Variants in ZFP41 observed in about 807,000 individuals in gnomAD.
The protein encoded by ZFP41 is zinc finger protein 41 homolog.
ZFP41 carries 10 observed loss-of-function variants against 11.6 expected under a neutral mutation model. The ratio of observed to expected loss-of-function variants is 0.86; its 90% CI spans 0.53 to 1.47. The LOEUF is 1.47. Among genes scored for constraint, ZFP41 ranks in the 40% most tolerant of loss-of-function variants. The pLI, the probability that ZFP41 is intolerant of heterozygous loss-of-function variation, is 0.00. For missense variants in ZFP41, 302 were observed against 264.6 expected, an observed-to-expected ratio of 1.14 and a Z score of -0.98; for synonymous variants, 123 against 100.9, an observed-to-expected ratio of 1.22 and a Z score of -1.31.
At position 143,250,452 on chromosome 8, in the gene ZFP41, C is replaced by T. The variant is rs1816783447; in HGVS notation, c.*12C>T. On this transcript the variant is annotated 3_prime_UTR_variant, in exon 2 of 3. Transcript: ENST00000330701. Reference sequence around the variant, plus strand: ...GGAAGAAGCCCTGAGCCGGGGCCATCTGCGGACTCGGGCCCTGCGGTGCGA... The same window carrying T: ...GGAAGAAGCCCTGAGCCGGGGCCATTTGCGGACTCGGGCCCTGCGGTGCGA... 4 of 1,604,544 alleles carry T rather than the reference C, an allele frequency of 2.5e-6. No individual in the cohort carries two copies. The highest frequency in any genetic ancestry group is 3.4e-6 in the Non-Finnish European group (4 of 1,174,818).
Position 143,250,379 on chromosome 8 carries a change from C to T in ZFP41, c.536C>T (p.Ala179Val). Reference sequence around the variant, plus strand: ...TACGAATGCACGCACTGTGGGAAAGCCTTTGCCTACAGCTCCTGTCTCATC... The same window carrying T: ...TACGAATGCACGCACTGTGGGAAAGTCTTTGCCTACAGCTCCTGTCTCATC... Reference protein sequence around the residue: ...KPYECTHCGKAFAYSSCLIRH... With the variant: ...KPYECTHCGKVFAYSSCLIRH... The change falls in exon 2 of 3, where the codon GCC becomes GTC. Residue 179 changes from alanine to valine, a missense_variant. By Grantham distance (64) the Ala-to-Val change is moderately conservative (BLOSUM62 0). Transcript: ENST00000330701. The T allele has an allele frequency of 6.2e-7, 1 of 1,613,994 alleles. No homozygotes were observed. Among genetic ancestry groups the T allele is most frequent in the Non-Finnish European group, 8.5e-7 (1 of 1,180,024 alleles).
intron 2 of ZFP41, among the ~76,000 whole-genome samples, chr8:143,255,526 C>A: frequency 1.4e-5 from 2 of 138,674 alleles, no homozygotes; most frequent in Admixed American, 7.2e-5. Flanking sequence ...TCAGGGCTCG[C>A]CCCACGTGCT....
intron 2 of ZFP41, among the ~76,000 whole-genome samples, chr8:143,252,208 A>G (rs1814781933): frequency 6.6e-6 from 1 of 152,222 alleles, no homozygotes; most frequent in African/African-American, 2.4e-5. Context: ...CTTTCTATAT[A>G]GCAGGTCCCA....
At chr8:143,247,828 T>G (rs963811181) in intron 1 of ZFP41, 6 of 152,312 alleles carry the variant, frequency 3.9e-5, no homozygotes, top group African/African-American at 1.4e-4. Flanking sequence ...TTTGGTTTGG[T>G]TTTTTTGTTT....
Position 143,250,159 on chromosome 8 carries a change from C to G in ZFP41, c.316C>G (p.Gln106Glu), listed in dbSNP as rs1225127945. The change falls in exon 2 of 3, where the codon CAG becomes GAG. Residue 106 changes from glutamine to glutamate, a missense_variant. Physicochemically the swap from Gln to Glu is conservative, Grantham distance 29. Transcript: ENST00000330701. ...FKHKTDHIRHQRVHTGEKPFK... is the reference protein window; with the variant it reads ...FKHKTDHIRHERVHTGEKPFK... The stretch of plus-strand genomic sequence containing the variant: ...GCACAAGACAGACCACATTCGCCAT[C>G]AGAGGGTCCACACTGGAGAGAAGCC... 2 of 1,614,054 alleles carry G rather than the reference C, an allele frequency of 1.2e-6. No individual in the cohort carries two copies. The highest frequency in any genetic ancestry group is 2.2e-5 in the East Asian group (1 of 44,890).
Position 143,250,117 on chromosome 8 carries a change from T to A in ZFP41, c.274T>A (p.Cys92Ser). The change falls in exon 2 of 3, where the codon TGT (cysteine) becomes AGT (serine). Residue 92 changes from cysteine to serine, a missense_variant. Coordinates refer to ENST00000330701, the MANE Select transcript of ZFP41 (RefSeq NM_173832.6). ...GAAGAAACCCTATGAGTGCAGTGAGTGTGGGCGGATCTTTAAGCACAAGAC... is the reference window on the plus strand; with the variant it reads ...GAAGAAACCCTATGAGTGCAGTGAGAGTGGGCGGATCTTTAAGCACAAGAC... ...QRKKPYECSE[C>S]GRIFKHKTDH... is the part of the protein sequence containing the mutation. 1 of 1,614,010 alleles carries A rather than the reference T, an allele frequency of 6.2e-7. No individual in the cohort carries two copies. The highest frequency in any genetic ancestry group is 8.5e-7 in the Non-Finnish European group (1 of 1,180,008).
At position 143,250,031 on chromosome 8, in the gene ZFP41, C is replaced by T; in HGVS notation, c.188C>T (p.Ala63Val). ...GAAGACGAAGAGCACGTCTTTGATG[C>T]CTTCGACGCTTCATTTAAAGATGAC... ...SPEDEEHVFDAFDASFKDDFE... is the reference protein window; with the variant it reads ...SPEDEEHVFDVFDASFKDDFE... Residue 63 changes from alanine (A) to valine (V), a missense_variant, in exon 2 of 3, where the codon GCC (alanine) becomes GTC (valine). Ala to Val is a moderately conservative substitution (Grantham distance 64). Coordinates refer to ENST00000330701, the MANE Select transcript of ZFP41 (RefSeq NM_173832.6). 1 of 1,614,136 alleles carries T rather than the reference C, an allele frequency of 6.2e-7. No homozygotes were observed. The highest frequency in any genetic ancestry group is 8.5e-7 in the Non-Finnish European group (1 of 1,180,028).
At position 143,255,248 on chromosome 8, in the gene ZFP41, G is replaced by A. The variant is rs377606175; in HGVS notation, c.*900+3908G>A. Reference sequence around the variant, plus strand: ...ACTTGACCCTCACTCTGGAACTGTGGGGCCTTTGCCTCAGTTTTCCCAGGT... The same window carrying A: ...ACTTGACCCTCACTCTGGAACTGTGAGGCCTTTGCCTCAGTTTTCCCAGGT... On this transcript the variant is annotated intron_variant, in intron 2 of 2. Coordinates refer to ENST00000330701, the MANE Select transcript of ZFP41 (RefSeq NM_173832.6). Among the ~76,000 whole-genome samples, 302 of 152,300 alleles carry A rather than the reference G, an allele frequency of 2.0e-3. 1 individual carries two copies. Among genetic ancestry groups the A allele is most frequent in the South Asian group, 9.7e-3 (47 of 4,824 alleles).
In ZFP41 at chr8:143,250,654, AC is replaced by A. The variant is rs1814720218; in HGVS notation, c.*216del. 1.3e-6 allele frequency: 1 copy of A among 749,342 alleles called. No homozygotes were observed. The allele number at this position is 749,342 out of a possible 1,614,324, so 46.4% of individuals were successfully genotyped here. On this transcript the variant is annotated 3_prime_UTR_variant, in exon 2 of 3. Coordinates refer to ENST00000330701, the MANE Select transcript of ZFP41 (RefSeq NM_173832.6). ...TGCAGAGAGTCTCTCTGATCAAGAC[AC>A]CGCAGTGATGGAGAAGCCACCAGAG...
rs756851975 is a variant in ZFP41 at position 143,250,384 on chromosome 8, G to A, written c.541G>A (p.Ala181Thr). ...ATGCACGCACTGTGGGAAAGCCTTT[G>A]CCTACAGCTCCTGTCTCATCCGCCA... is the stretch of plus-strand genomic sequence containing the variant. ...YECTHCGKAF[A>T]YSSCLIRHQK... The change falls in exon 2 of 3, where the codon GCC becomes ACC. Residue 181 changes from alanine to threonine, a missense_variant. Coordinates refer to ENST00000330701, the MANE Select transcript of ZFP41 (RefSeq NM_173832.6). 6.2e-7 allele frequency: 1 copy of A among 1,613,956 alleles called. No homozygotes were observed. The highest frequency in any genetic ancestry group is 8.5e-7 in the Non-Finnish European group (1 of 1,180,018).
At position 143,250,166 on chromosome 8, in the gene ZFP41, T is replaced by C. The variant is rs142378896; in HGVS notation, c.323T>C (p.Val108Ala). The C allele has an allele frequency of 1.8e-4, 295 of 1,613,988 alleles. 1 individual carries two copies. In the African/African-American group the frequency reaches 3.4e-3, roughly 19 times the overall value. ...ACAGACCACATTCGCCATCAGAGGG[T>C]CCACACTGGAGAGAAGCCCTTCAAG... ...HKTDHIRHQRVHTGEKPFKCA... is the reference protein window; with the variant it reads ...HKTDHIRHQRAHTGEKPFKCA... The change falls in exon 2 of 3, where the codon GTC becomes GCC. Residue 108 changes from valine to alanine, a missense_variant. Coordinates refer to ENST00000330701, the MANE Select transcript of ZFP41 (RefSeq NM_173832.6).
In ZFP41 at chr8:143,249,985, A is replaced by C; in HGVS notation, c.142A>C (p.Thr48Pro). Residue 48 changes from threonine to proline, a missense_variant, in exon 2 of 3, where the codon ACA becomes CCA. Transcript: ENST00000330701. ...GCCCACTGTGCCCAGGAAGCCCCGC[A>C]CAGAGCCCTGCCTGAGTCCTGAAGA... ...ERPTVPRKPR[T>P]EPCLSPEDEE... The C allele has an allele frequency of 6.2e-7, 1 of 1,614,120 alleles. No homozygotes were observed. The highest frequency in any genetic ancestry group is 8.5e-7 in the Non-Finnish European group (1 of 1,180,018).
chr8:143,255,436 G>C (rs1185157800), intron 2 of ZFP41, among the ~76,000 whole-genome samples: 4 of 150,584 alleles, frequency 2.7e-5, no homozygotes, highest in African/African-American at 9.8e-5. Flanking sequence ...CCCGCGTGCT[G>C]GTGTTCTTGA....
chr8:143,252,978 C>T (rs1305678791), intron 2 of ZFP41: 1 of 152,306 alleles, frequency 6.6e-6, no homozygotes, highest in Non-Finnish European at 1.5e-5. Context: ...AGCCAGCTGT[C>T]ACCAGGAGAG....
At chr8:143,253,194 G>A (rs1187885143) in intron 2 of ZFP41, 1 of 152,202 alleles carries the variant, frequency 6.6e-6, no homozygotes, top group African/African-American at 2.4e-5. Context: ...CAGCGCAGCA[G>A]GGACGGGGCG....
intron 2 of ZFP41, among the ~76,000 whole-genome samples, chr8:143,256,250 G>A (rs1814909913): frequency 9.3e-6 from 1 of 107,422 alleles, no homozygotes; most frequent in Admixed American, 9.0e-5. Context: ...CCCGCGTGCT[G>A]GTGTTAGTGA....
Position 143,260,772 on chromosome 8 carries a change from C to A in ZFP41, c.*1898C>A, listed in dbSNP as rs930326048. On this transcript the variant is annotated 3_prime_UTR_variant, in exon 3 of 3. Coordinates refer to ENST00000330701, the MANE Select transcript of ZFP41 (RefSeq NM_173832.6). ...CCAGAGGGCTGCCCTGACCAGCGGG[C>A]ACCATCCTCCCAGCCCCACTCAGCT... The A allele has an allele frequency of 5.4e-6, 1 of 184,714 alleles. No homozygotes were observed. The highest frequency in any genetic ancestry group is 7.7e-5 in the South Asian group (1 of 12,928). The allele number at this position is 184,714 out of a possible 1,614,324, so 11.4% of individuals were successfully genotyped here. A position where few individuals can be genotyped will look rare whatever the true frequency, so the allele number is the denominator to read the frequency against.
At chr8:143,253,665 C>T (rs542224905) in intron 2 of ZFP41, 6 of 152,324 alleles carry the variant, frequency 3.9e-5, no homozygotes, top group South Asian at 2.1e-4. Flanking sequence ...ATAGTTTGGA[C>T]GTCTGTCCCC....
intron 2 of ZFP41, among the ~76,000 whole-genome samples, chr8:143,254,630 CTTTTTT>C (rs56112135): frequency 1.7e-5 from 2 of 115,008 alleles, no homozygotes; most frequent in Non-Finnish European, 3.5e-5. Context: ...GGGAGCGTTA[CTTTTTT>C]TTTTTTTTTT....
Sources: allele counts gnomAD v4.1 joint callset (sites outside exome capture counted in the v4.1 genomes callset), GRCh38; gene constraint gnomAD v4.1.1; transcripts MANE v1.5; gene names NCBI Gene and HGNC (gene_info 2026-07-23, HGNC 2026-07-21).